Variants in KIAA1958 observed in about 807,000 individuals in gnomAD.
The protein encoded by KIAA1958 is uncharacterized protein KIAA1958.
Under a neutral mutation model 47.2 loss-of-function variants are expected in KIAA1958, and 14 were observed. That is an observed-to-expected ratio of 0.30 (90% CI 0.20 to 0.46). The LOEUF is 0.46. KIAA1958 is among the 20% of genes least tolerant of loss of function. KIAA1958 has a pLI of 1.00. For missense variants in KIAA1958, 803 were observed against 909.2 expected (o/e 0.88, Z 1.50); for synonymous variants, 354 against 353.3 (o/e 1.00, Z -0.02).
intron 1 of KIAA1958, among the ~76,000 whole-genome samples, chr9:112,535,330 A>G (rs1834834048): frequency 6.6e-6 from 1 of 152,152 alleles, no homozygotes; most frequent in Admixed American, 6.5e-5. Context: ...AAGTGAGACC[A>G]TGTGGTATTT....
At position 112,661,694 on chromosome 9, in the gene KIAA1958, TA is replaced by T. The variant is rs1837279242; in HGVS notation, c.*1626del. ...ATTCCCTTTTTAGTCACTGTGCATT[TA>T]TAAGTTTGTTTACTAGTTGACCTTT... On this transcript the variant is annotated 3_prime_UTR_variant, in exon 4 of 4. Transcript: ENST00000337530. 1 of 152,230 alleles carries T rather than the reference TA, an allele frequency of 6.6e-6. No individual in the cohort carries two copies. The highest frequency in any genetic ancestry group is 6.5e-5 in the Admixed American group (1 of 15,286). 9.4% of individuals were successfully genotyped at this position (152,230 alleles called of 1,614,324 possible). A position where few individuals can be genotyped will look rare whatever the true frequency, so the allele number is the denominator to read the frequency against.
intron 1 of KIAA1958, among the ~76,000 whole-genome samples, chr9:112,500,636 A>G (rs1198863516): frequency 6.6e-6 from 1 of 152,124 alleles, no homozygotes; most frequent in Admixed American, 6.5e-5. Flanking sequence ...TCAAATAGAT[A>G]TTTTATAGTT....
At chr9:112,513,013 T>C (rs1350842050) in intron 1 of KIAA1958, among the ~76,000 whole-genome samples, 1 of 145,766 alleles carries the variant, frequency 6.9e-6, no homozygotes, top group Admixed American at 6.8e-5. Context: ...AATTTTTTTT[T>C]TTTTTTTTTG....
intron 3 of KIAA1958, among the ~76,000 whole-genome samples, chr9:112,652,192 T>C (rs1837065240): frequency 1.3e-5 from 2 of 152,160 alleles, no homozygotes; most frequent in African/African-American, 2.4e-5. Context: ...CTTTCCCACT[T>C]GGTGTCATCA....
At chr9:112,490,086 A>G (rs576185974) in intron 1 of KIAA1958, among the ~76,000 whole-genome samples, 57 of 152,326 alleles carry the variant, frequency 3.7e-4, no homozygotes, top group African/African-American at 1.3e-3. Context: ...ATCATCCTGC[A>G]TTGTTTAACA....
chr9:112,645,228 A>C (rs1319852926), intron 2 of KIAA1958, among the ~76,000 whole-genome samples: 2 of 151,728 alleles, frequency 1.3e-5, no homozygotes, highest in Non-Finnish European at 2.9e-5. Context: ...AATAAATGAT[A>C]GGTCTTCATG....
At chr9:112,640,627 C>T (rs185197693) in intron 2 of KIAA1958, among the ~76,000 whole-genome samples, 34 of 152,164 alleles carry the variant, frequency 2.2e-4, no homozygotes, top group African/African-American at 7.5e-4. Flanking sequence ...CTATGTCCTG[C>T]GCTGCAGCTC....
intron 2 of KIAA1958, among the ~76,000 whole-genome samples, chr9:112,583,348 T>C (rs759467618): frequency 8.5e-5 from 13 of 152,214 alleles, no homozygotes; most frequent in African/African-American, 1.2e-4. Context: ...CCAAGTGTTA[T>C]TGAAGGTATG....
intron 1 of KIAA1958, among the ~76,000 whole-genome samples, chr9:112,487,823 C>G (rs942115916): frequency 6.7e-6 from 1 of 150,060 alleles, no homozygotes; most frequent in Non-Finnish European, 1.5e-5. Context: ...CAACGTCAAA[C>G]CAAAATCAAA....
chr9:112,654,010 GC>G (rs1837107373), intron 3 of KIAA1958, among the ~76,000 whole-genome samples: 1 of 152,152 alleles, frequency 6.6e-6, no homozygotes, highest in Non-Finnish European at 1.5e-5. Flanking sequence ...AAGTCACGTG[GC>G]TAGCCCAGAT....
intron 1 of KIAA1958, among the ~76,000 whole-genome samples, chr9:112,548,884 T>G (rs1564168171): frequency 1.3e-5 from 2 of 152,116 alleles, no homozygotes. Context: ...GAAGTAGAAA[T>G]TTGGATAGAG....
intron 2 of KIAA1958, among the ~76,000 whole-genome samples, chr9:112,602,092 A>G (rs1432674536): frequency 1.3e-5 from 2 of 152,236 alleles, no homozygotes; most frequent in Non-Finnish European, 2.9e-5. Context: ...AAGTTCTAGG[A>G]GAAAACATAA....
chr9:112,625,454 C>T (rs183333994), intron 2 of KIAA1958, among the ~76,000 whole-genome samples: 175 of 152,242 alleles, frequency 1.1e-3, no homozygotes, highest in African/African-American at 3.9e-3. Context: ...GCTCTGTCCT[C>T]ATCCACCCTT....
At chr9:112,531,552 T>G (rs376840334) in intron 1 of KIAA1958, among the ~76,000 whole-genome samples, 6 of 152,236 alleles carry the variant, frequency 3.9e-5, no homozygotes, top group African/African-American at 1.4e-4. Context: ...ATAAATTGGC[T>G]TGTGTTACTT....
At chr9:112,636,069 T>A (rs1050440044) in intron 2 of KIAA1958, among the ~76,000 whole-genome samples, 1 of 149,780 alleles carries the variant, frequency 6.7e-6, no homozygotes, top group African/African-American at 2.4e-5. Context: ...CTAATTCTCA[T>A]TGATTTTTTT....
chr9:112,487,113 C>G lies in KIAA1958; in HGVS notation c.-30C>G, dbSNP rs1833868590. The G allele has an allele frequency of 4.7e-6, 1 of 211,176 alleles. No individual in the cohort carries two copies. The highest frequency in any genetic ancestry group is 5.6e-5 in the South Asian group (1 of 18,016). The allele number at this position is 211,176 out of a possible 1,614,324, so 13.1% of individuals were successfully genotyped here. A position where few individuals can be genotyped will look rare whatever the true frequency, so the allele number is the denominator to read the frequency against. On this transcript the variant is annotated 5_prime_UTR_variant, in exon 1 of 4. Coordinates refer to ENST00000337530, the MANE Select transcript of KIAA1958 (RefSeq NM_133465.4). Reference sequence around the variant, plus strand: ...TTCCTATGGACAGACGCACAGACACCTGCAGGTGGGTGAGAGCCCGCGCGC... The same window carrying G: ...TTCCTATGGACAGACGCACAGACACGTGCAGGTGGGTGAGAGCCCGCGCGC...
intron 2 of KIAA1958, among the ~76,000 whole-genome samples, chr9:112,634,546 A>C (rs1826348157): frequency 6.6e-6 from 1 of 152,010 alleles, no homozygotes; most frequent in Admixed American, 6.6e-5. Flanking sequence ...GTCCATTTTT[A>C]ATTGGACTAT....
chr9:112,652,567 G>T (rs1263656595), intron 3 of KIAA1958, among the ~76,000 whole-genome samples: 1 of 152,170 alleles, frequency 6.6e-6, no homozygotes, highest in Non-Finnish European at 1.5e-5. Context: ...TCTTAAGTCA[G>T]CTTGGTTCGC....
intron 2 of KIAA1958, among the ~76,000 whole-genome samples, chr9:112,591,359 C>CA (rs1835917687): frequency 1.3e-5 from 2 of 150,916 alleles, no homozygotes; most frequent in African/African-American, 4.9e-5. Flanking sequence ...GCTGGGATTA[C>CA]AGGCGTGAGC....
Sources: gnomAD v4.1 joint callset for allele counts (sites outside exome capture counted in the v4.1 genomes callset) on GRCh38, gnomAD v4.1.1 for gene constraint, MANE v1.5 for transcripts, NCBI Gene and HGNC (gene_info 2026-07-23, HGNC 2026-07-21) for gene names.